HTR1F: variants seen among roughly 807,000 people sequenced by gnomAD.
HTR1F encodes 5-hydroxytryptamine (serotonin) receptor 1F, G protein-coupled.
HTR1F carries 17 observed loss-of-function variants against 24.0 expected under a neutral mutation model. The ratio of observed to expected loss-of-function variants is 0.71; its 90% CI spans 0.48 to 1.06. The LOEUF (loss-of-function observed/expected upper bound fraction) is 1.06. Among genes scored for constraint, HTR1F ranks in the 50% least tolerant of loss-of-function variants. The probability of loss-of-function intolerance (pLI) is 0.00; values close to 1 mark genes in which losing one functional copy is unlikely to be tolerated. For missense variants in HTR1F, 391 were observed against 427.8 expected, an observed-to-expected ratio of 0.91 and a Z score of 0.76; for synonymous variants, 186 against 156.8, an observed-to-expected ratio of 1.19 and a Z score of -1.39.
At chr3:87,910,466 C>T (rs891301917) in intron 2 of HTR1F, 2 of 151,274 alleles carry the variant, frequency 1.3e-5, no homozygotes, top group African/African-American at 4.9e-5. Flanking sequence ...ACCCAGATTC[C>T]TAAAGCAAGT....
chr3:87,967,671 T>G (rs1333380728), intron 2 of HTR1F, among the ~76,000 whole-genome samples: 3 of 151,444 alleles, frequency 2.0e-5, no homozygotes, highest in Non-Finnish European at 4.4e-5. Flanking sequence ...TAAAGGGGAG[T>G]TCCCCTGCTC....
Position 87,949,153 on chromosome 3 carries a change from T to C in HTR1F, c.-42-41555T>C, listed in dbSNP as rs140177828. ...CTTCAAAGCCAAAAGAGTTTGTATA[T>C]ACACAGACAAACACACACACACACA... is the stretch of plus-strand genomic sequence containing the variant. On this transcript the variant is annotated intron_variant, in intron 2 of 2. Coordinates refer to ENST00000319595, the MANE Select transcript of HTR1F (RefSeq NM_001322209.2). 8.5e-4 allele frequency among the ~76,000 whole-genome samples: 129 copies of C among 152,270 alleles called. 1 individual carries two copies. In the Middle Eastern group the frequency reaches 0.017, roughly 20 times the overall value.
At chr3:87,895,129 T>A in intron 2 of HTR1F, among the ~76,000 whole-genome samples, 1 of 152,192 alleles carries the variant, frequency 6.6e-6, no homozygotes, top group Non-Finnish European at 1.5e-5. Context: ...GTCACAGATG[T>A]AGGTTTGCCT....
intron 2 of HTR1F, among the ~76,000 whole-genome samples, chr3:87,958,594 A>G (rs1346665842): frequency 6.6e-6 from 1 of 151,666 alleles, no homozygotes; most frequent in Non-Finnish European, 1.5e-5. Flanking sequence ...CTACAAGGAT[A>G]TTAAAATCAT....
At chr3:87,845,198 C>T (rs1704911746) in intron 2 of HTR1F, among the ~76,000 whole-genome samples, 1 of 151,622 alleles carries the variant, frequency 6.6e-6, no homozygotes, top group African/African-American at 2.4e-5. Context: ...TCTCTCACCA[C>T]TCCTATTCAA....
intron 2 of HTR1F, among the ~76,000 whole-genome samples, chr3:87,853,111 G>C (rs1385831077): frequency 6.6e-6 from 1 of 150,846 alleles, no homozygotes; most frequent in Non-Finnish European, 1.5e-5. Flanking sequence ...TAGTTTCTTT[G>C]TTTGTTATAA....
intron 2 of HTR1F, among the ~76,000 whole-genome samples, chr3:87,958,048 G>A (rs772940571): frequency 1.5e-4 from 22 of 151,194 alleles, no homozygotes; most frequent in Non-Finnish European, 3.1e-4. Context: ...TAGTTTAGTT[G>A]TCTCCCAAAA....
intron 2 of HTR1F, among the ~76,000 whole-genome samples, chr3:87,932,070 T>C (rs1042753806): frequency 3.3e-5 from 5 of 152,228 alleles, no homozygotes; most frequent in Non-Finnish European, 5.9e-5. Flanking sequence ...TTGTCAGTTT[T>C]GGCTTTTGTT....
rs944333581 is a variant in HTR1F, at chr3:87,991,934, C to T, written c.*84C>T. 6.8e-6 allele frequency: 8 copies of T among 1,177,382 alleles called. No homozygotes were observed. The highest frequency in any genetic ancestry group is 2.8e-4 in the Middle Eastern group (1 of 3,518). The allele number at this position is 1,177,382 out of a possible 1,614,324, so 72.9% of individuals were successfully genotyped here. On this transcript the variant is annotated 3_prime_UTR_variant, in exon 3 of 3. Transcript: ENST00000319595. ...AATGCCAAATAATAAAACACTTAAG[C>T]TTTTAGAGGGAAATACATGAAAACT...
intron 2 of HTR1F, among the ~76,000 whole-genome samples, chr3:87,973,538 C>A (rs1437734993): frequency 6.6e-6 from 1 of 152,154 alleles, no homozygotes; most frequent in Non-Finnish European, 1.5e-5. Context: ...ATAATAATGG[C>A]TTTTAAAAAA....
At chr3:87,828,985 G>T (rs1411673321) in intron 2 of HTR1F, among the ~76,000 whole-genome samples, 5 of 151,180 alleles carry the variant, frequency 3.3e-5, no homozygotes, top group African/African-American at 1.2e-4. Flanking sequence ...CTGACATGTG[G>T]TTCATTTCTA....
At chr3:87,913,623 A>T (rs969373557) in intron 2 of HTR1F, among the ~76,000 whole-genome samples, 6 of 152,224 alleles carry the variant, frequency 3.9e-5, no homozygotes, top group African/African-American at 1.4e-4. Flanking sequence ...ATAAAGACAC[A>T]TGTATCCATA....
chr3:87,953,930 G>A (rs1023969497), intron 2 of HTR1F, among the ~76,000 whole-genome samples: 1 of 151,744 alleles, frequency 6.6e-6, no homozygotes, highest in African/African-American at 2.4e-5. Context: ...AAATAAGACA[G>A]ACATAGAAAG....
chr3:87,877,366 C>T (rs2107271337), intron 2 of HTR1F, among the ~76,000 whole-genome samples: 1 of 152,066 alleles, frequency 6.6e-6, no homozygotes, highest in African/African-American at 2.4e-5. Context: ...TTCTCTTTTG[C>T]TTTCAATTCA....
intron 1 of HTR1F, among the ~76,000 whole-genome samples, chr3:87,802,280 T>TTCCC (rs772037213): frequency 9.1e-4 from 54 of 59,102 alleles, no homozygotes; most frequent in African/African-American, 2.2e-3. Context: ...CCTTCCCTTC[T>TTCCC]TCCCTCCCTC....
At chr3:87,818,744 G>C (rs1177063258) in intron 1 of HTR1F, among the ~76,000 whole-genome samples, 1 of 152,138 alleles carries the variant, frequency 6.6e-6, no homozygotes, top group Non-Finnish European at 1.5e-5. Context: ...AAGAAGCATA[G>C]AGCACAAAAT....
intron 2 of HTR1F, among the ~76,000 whole-genome samples, chr3:87,910,980 G>A (rs977879690): frequency 1.3e-5 from 2 of 151,980 alleles, no homozygotes; most frequent in African/African-American, 4.8e-5. Flanking sequence ...GCAATATTAA[G>A]ATGGAAATTT....
At chr3:87,974,439 G>A (rs1280230965) in intron 2 of HTR1F, among the ~76,000 whole-genome samples, 2 of 151,908 alleles carry the variant, frequency 1.3e-5, no homozygotes, top group Non-Finnish European at 2.9e-5. Flanking sequence ...TTTACTGCTT[G>A]TTATAGTCTT....
At chr3:87,938,777 C>CA (rs570233901) in intron 2 of HTR1F, among the ~76,000 whole-genome samples, 1 of 152,150 alleles carries the variant, frequency 6.6e-6, no homozygotes, top group East Asian at 1.9e-4. Flanking sequence ...ACCCCATGTA[C>CA]AAAAATCAAC....
Sources: allele counts gnomAD v4.1 joint callset (sites outside exome capture counted in the v4.1 genomes callset), GRCh38; gene constraint gnomAD v4.1.1; transcripts MANE v1.5; gene names NCBI Gene and HGNC (gene_info 2026-07-23, HGNC 2026-07-21).